Variants in GRIN2A observed in about 807,000 individuals in gnomAD.
The protein encoded by GRIN2A is glutamate receptor ionotropic, NMDA 2A.
Under a neutral mutation model 113.4 loss-of-function variants are expected in GRIN2A, and 22 were observed. The ratio of observed to expected loss-of-function variants is 0.19; its 90% confidence interval spans 0.14 to 0.28. GRIN2A has a LOEUF of 0.28. Among genes scored for constraint, GRIN2A ranks in the 10% least tolerant of loss-of-function variants. The pLI, the probability that GRIN2A is intolerant of heterozygous loss-of-function variation, is 1.00. For synonymous variants in GRIN2A, 827 were observed against 738.4 expected (o/e 1.12, Z -1.94); for missense variants, 1,502 against 1,887.0 (o/e 0.80, Z 3.78).
chr16:9,813,089 G>A (rs561677125), intron 10 of GRIN2A, among the ~76,000 whole-genome samples: 4 of 152,322 alleles, frequency 2.6e-5, no homozygotes, highest in African/African-American at 4.8e-5. Context: ...TGTAATAACC[G>A]TATCAGCAAC....
chr16:9,757,358 C>CTTT lies in GRIN2A; in HGVS notation c.*5788_*5790dup. ...AGTTACTTAAAGGTTTAGGGAAGGA[C>CTTT]TTTTTTTTTTTTTTTAAAAAAGGTA... On this transcript the variant is annotated 3_prime_UTR_variant, in exon 13 of 13. Transcript: ENST00000330684. 1 of 194,836 alleles carries CTTT rather than the reference C, an allele frequency of 5.1e-6. No individual in the cohort carries two copies. Among genetic ancestry groups the CTTT allele is most frequent in the Non-Finnish European group, 1.0e-5 (1 of 98,408 alleles). 12.1% of individuals were successfully genotyped at this position (194,836 alleles called of 1,614,324 possible). A position where few individuals can be genotyped will look rare whatever the true frequency, so the allele number is the denominator to read the frequency against.
intron 2 of GRIN2A, among the ~76,000 whole-genome samples, chr16:10,174,243 C>A (rs540011015): frequency 5.3e-5 from 8 of 152,228 alleles, no homozygotes; most frequent in African/African-American, 1.9e-4. Flanking sequence ...AAAGCAGGAC[C>A]CTATCTGTGT....
intron 2 of GRIN2A, among the ~76,000 whole-genome samples, chr16:10,036,081 A>T (rs937457442): frequency 1.3e-5 from 2 of 152,154 alleles, no homozygotes; most frequent in African/African-American, 4.8e-5. Context: ...TTCAGGTAAA[A>T]ACGATGAATG....
At chr16:10,132,340 C>CAAAAAAAAAAAAAAAAAAAAAAAAAAAA (rs71402435) in intron 2 of GRIN2A, among the ~76,000 whole-genome samples, 6 of 61,616 alleles carry the variant, frequency 9.7e-5, no homozygotes, top group East Asian at 7.3e-4. Flanking sequence ...GACACCGTCT[C>CAAAAAAAAAAAAAAAAAAAAAAAAAAAA]AAAAAAAAAA....
chr16:10,179,893 C>CCCAAAAAAAA, intron 2 of GRIN2A, 105 bp downstream of exon 2: 2 of 719,818 alleles, frequency 2.8e-6, no homozygotes, highest in Non-Finnish European at 2.4e-6. Context: ...CCCCCACCCC[C>CCCAAAAAAAA]ACTTCACATC....
chr16:9,983,817 G>C lies in GRIN2A; in HGVS notation c.415-45266C>G, dbSNP rs149204583. Among the ~76,000 whole-genome samples the C allele has an allele frequency of 9.9e-5, 15 of 152,282 alleles. No individual in the cohort carries two copies. In the East Asian group the frequency reaches 2.9e-3, roughly 29 times the overall value. On this transcript the variant is annotated intron_variant, in intron 2 of 12. Coordinates refer to ENST00000330684, the MANE Select transcript of GRIN2A (RefSeq NM_001134407.3). Reference sequence around the variant, plus strand: ...ATTTTCTTCATCTGTTAATTCAGTGGTTGATTCAATGTCTTGGCCCCTGTG... The same window carrying C: ...ATTTTCTTCATCTGTTAATTCAGTGCTTGATTCAATGTCTTGGCCCCTGTG...
At chr16:9,996,850 A>C (rs925506579) in intron 2 of GRIN2A, among the ~76,000 whole-genome samples, 1 of 152,306 alleles carries the variant, frequency 6.6e-6, no homozygotes, top group African/African-American at 2.4e-5. Context: ...AAGAAAACAG[A>C]ATAAAAATAA....
chr16:9,861,080 A>G (rs2043058996), intron 4 of GRIN2A, among the ~76,000 whole-genome samples: 1 of 152,240 alleles, frequency 6.6e-6, no homozygotes, highest in South Asian at 2.1e-4. Context: ...CAACAGAAGC[A>G]GAGTTCAGGC....
chr16:10,172,950 C>A (rs1178532617), intron 2 of GRIN2A, among the ~76,000 whole-genome samples: 1 of 152,194 alleles, frequency 6.6e-6, no homozygotes, highest in African/African-American at 2.4e-5. Context: ...TCTTTCCCCA[C>A]TCACTCTGCC....
chr16:10,015,426 C>T (rs2046592167), intron 2 of GRIN2A, among the ~76,000 whole-genome samples: 1 of 151,954 alleles, frequency 6.6e-6, no homozygotes, highest in African/African-American at 2.4e-5. Context: ...CTGTGGCCTA[C>T]CTTTGGAGAC....
At chr16:9,922,096 G>A (rs147160032) in intron 3 of GRIN2A, among the ~76,000 whole-genome samples, 15 of 152,170 alleles carry the variant, frequency 9.9e-5, no homozygotes, top group East Asian at 3.9e-4. Flanking sequence ...CTCATTTGCC[G>A]TCTAATCTTT....
At chr16:10,163,659 C>G (rs1301313876) in intron 2 of GRIN2A, among the ~76,000 whole-genome samples, 1 of 151,824 alleles carries the variant, frequency 6.6e-6, no homozygotes, top group Non-Finnish European at 1.5e-5. Flanking sequence ...TAACCAGCCA[C>G]TAAAGGATTA....
At chr16:9,967,739 T>C (rs1340755774) in intron 2 of GRIN2A, among the ~76,000 whole-genome samples, 1 of 151,852 alleles carries the variant, frequency 6.6e-6, no homozygotes, top group Non-Finnish European at 1.5e-5. Context: ...TTTGGGGACT[T>C]AGGGGTAGGG....
Position 9,764,825 on chromosome 16 carries a change from T to C in GRIN2A, c.2719A>G (p.Met907Val). ...ATTCTTGAGGAGTTCATGTTGGACATGCTGGAAATGTTTTTGGCTGACCGG... is the reference window on the plus strand; with the variant it reads ...ATTCTTGAGGAGTTCATGTTGGACACGCTGGAAATGTTTTTGGCTGACCGG... ...LLRSAKNISS[M>V]SNMNSSRMDS... Residue 907 changes from methionine to valine, a missense_variant, in exon 13 of 13, where the codon ATG (methionine) becomes GTG (valine). Met to Val is a conservative substitution (Grantham distance 21). Coordinates refer to ENST00000330684, the MANE Select transcript of GRIN2A (RefSeq NM_001134407.3). 1 of 1,614,212 alleles carries C rather than the reference T, an allele frequency of 6.2e-7. No homozygotes were observed. Among genetic ancestry groups the C allele is most frequent in the Non-Finnish European group, 8.5e-7 (1 of 1,180,028 alleles).
chr16:10,150,346 G>A (rs891426529), intron 2 of GRIN2A, among the ~76,000 whole-genome samples: 3 of 152,122 alleles, frequency 2.0e-5, no homozygotes, highest in Non-Finnish European at 4.4e-5. Context: ...AATAGCAGTG[G>A]GTTTTATAAG....
chr16:10,137,409 C>T (rs111635669), intron 2 of GRIN2A, among the ~76,000 whole-genome samples: 2,906 of 152,298 alleles, frequency 0.019, 51 homozygotes, highest in Non-Finnish European at 0.028. Context: ...CTATTTTCTC[C>T]ATCTTAGTTT....
At chr16:9,924,110 C>CAAAAAAA (rs921695456) in intron 3 of GRIN2A, among the ~76,000 whole-genome samples, 23 of 18,154 alleles carry the variant, frequency 1.3e-3, no homozygotes, top group East Asian at 8.0e-3. Flanking sequence ...GACTTGGTCT[C>CAAAAAAA]AAAAAAAAAA....
chr16:9,917,412 C>T, intron 3 of GRIN2A, among the ~76,000 whole-genome samples: 1 of 152,180 alleles, frequency 6.6e-6, no homozygotes, highest in East Asian at 1.9e-4. Context: ...TGGATGAATG[C>T]AATTGTGACT....
chr16:9,899,823 C>T (rs2043882189), intron 3 of GRIN2A, among the ~76,000 whole-genome samples: 1 of 152,170 alleles, frequency 6.6e-6, no homozygotes, highest in Non-Finnish European at 1.5e-5. Flanking sequence ...GCATAGGTCT[C>T]TAGGATCCTG....
Sources: allele counts gnomAD v4.1 joint callset (sites outside exome capture counted in the v4.1 genomes callset), GRCh38; gene constraint gnomAD v4.1.1; transcripts MANE v1.5; gene names NCBI Gene and HGNC (gene_info 2026-07-23, HGNC 2026-07-21).